Variants in LIPC observed in about 807,000 individuals in gnomAD.
LIPC encodes lipase C, hepatic type.
LIPC carries 44 observed loss-of-function variants against 50.7 expected under a neutral mutation model. The ratio of observed to expected loss-of-function variants is 0.87; its 90% CI spans 0.68 to 1.11. LIPC has a LOEUF of 1.11. LIPC is among the 50% of genes most tolerant of loss of function. The pLI, the probability that LIPC is intolerant of heterozygous loss-of-function variation, is 0.00. For synonymous variants in LIPC, 271 were observed against 256.4 expected (o/e 1.06, Z -0.54); for missense variants, 697 against 648.2 (o/e 1.08, Z -0.82).
chr15:58,444,121 C>T (rs554428128), intron 1 of LIPC, among the ~76,000 whole-genome samples: 2 of 152,266 alleles, frequency 1.3e-5, no homozygotes, highest in East Asian at 1.9e-4. Context: ...TTCCTGCCTG[C>T]GACACAGGTC....
intron 1 of LIPC, among the ~76,000 whole-genome samples, chr15:58,482,826 G>A (rs1196640012): frequency 1.3e-5 from 2 of 152,274 alleles, no homozygotes; most frequent in East Asian, 3.9e-4. Context: ...TTTTGAAAGG[G>A]CCCAGGTTTA....
At chr15:58,542,107 GGACT>G in intron 3 of LIPC, 140 bp downstream of exon 3, 1 of 1,038,296 alleles carries the variant, frequency 9.6e-7, no homozygotes, top group South Asian at 1.4e-5. Flanking sequence ...AGAAGGCACA[GGACT>G]GACACCAGAC....
intron 1 of LIPC, among the ~76,000 whole-genome samples, chr15:58,527,143 T>C (rs1222381468): frequency 1.3e-5 from 2 of 152,226 alleles, no homozygotes; most frequent in African/African-American, 2.4e-5. Flanking sequence ...ATAGTGCACA[T>C]GCCCAGAAAA....
chr15:58,520,191 T>G (rs558458426), intron 1 of LIPC, among the ~76,000 whole-genome samples: 1 of 150,432 alleles, frequency 6.6e-6, no homozygotes, highest in Non-Finnish European at 1.5e-5. Context: ...GTGTCAGCCA[T>G]GGAAACCTTC....
Position 58,538,313 on chromosome 15 carries a change from T to C in LIPC, c.89-20T>C, listed in dbSNP as rs192721308. On this transcript the variant is annotated intron_variant, in intron 1 of 8. Transcript: ENST00000299022. ...GAAGCAGATGCCAGGCTAAGCACCG[T>C]CCCCAATCTTATATTGCAGAGCCAT... is the stretch of plus-strand genomic sequence containing the variant. The C allele has an allele frequency of 1.2e-6, 2 of 1,613,638 alleles. No homozygotes were observed. Among genetic ancestry groups the C allele is most frequent in the Non-Finnish European group, 1.7e-6 (2 of 1,179,574 alleles).
chr15:58,512,079 CTA>C (rs1595909841), intron 1 of LIPC, among the ~76,000 whole-genome samples: 1 of 151,784 alleles, frequency 6.6e-6, no homozygotes, highest in Non-Finnish European at 1.5e-5. Context: ...GTGATTTTCT[CTA>C]TGTTTTCTTT....
chr15:58,568,237 G>A (rs1174920348), intron 8 of LIPC, among the ~76,000 whole-genome samples: 1 of 152,166 alleles, frequency 6.6e-6, no homozygotes, highest in Non-Finnish European at 1.5e-5. Context: ...GCTGAGCCAG[G>A]CAGAAACCGA....
chr15:58,537,343 G>A (rs373295201), intron 1 of LIPC, among the ~76,000 whole-genome samples: 2 of 152,188 alleles, frequency 1.3e-5, no homozygotes, highest in East Asian at 3.9e-4. Context: ...GTCATAGTGA[G>A]GCTCCCCCAG....
At chr15:58,548,138 A>C (rs905658314) in intron 5 of LIPC, among the ~76,000 whole-genome samples, 192 bp from the exon 6 acceptor site, 1 of 152,020 alleles carries the variant, frequency 6.6e-6, no homozygotes, top group African/African-American at 2.4e-5. Context: ...CATGACTCAG[A>C]GGGTCTACTT....
intron 6 of LIPC, among the ~76,000 whole-genome samples, chr15:58,557,001 C>T (rs1893975844): frequency 6.6e-6 from 1 of 152,214 alleles, no homozygotes; most frequent in South Asian, 2.1e-4. Flanking sequence ...AGCCATCCCT[C>T]TATTACTGAA....
intron 1 of LIPC, among the ~76,000 whole-genome samples, chr15:58,459,276 G>A (rs1239316242): frequency 1.3e-5 from 2 of 152,152 alleles, no homozygotes; most frequent in African/African-American, 4.8e-5. Context: ...GACATAGACA[G>A]TGTCTTTTTA....
chr15:58,535,084 C>T (rs1893071059), intron 1 of LIPC, among the ~76,000 whole-genome samples: 1 of 152,230 alleles, frequency 6.6e-6, no homozygotes, highest in Non-Finnish European at 1.5e-5. Flanking sequence ...GATATGAGCT[C>T]TTAAAGAGTC....
chr15:58,503,883 A>G (rs1364097229), intron 1 of LIPC, among the ~76,000 whole-genome samples: 1 of 152,068 alleles, frequency 6.6e-6, no homozygotes, highest in Admixed American at 6.5e-5. Flanking sequence ...TGGACTTTTT[A>G]TATGTACATA....
intron 1 of LIPC, among the ~76,000 whole-genome samples, chr15:58,534,088 A>C: frequency 6.6e-6 from 1 of 152,218 alleles, no homozygotes; most frequent in East Asian, 1.9e-4. Flanking sequence ...GGGCATAGAG[A>C]TGAATGACGG....
chr15:58,477,620 G>C (rs1891043672), intron 1 of LIPC, among the ~76,000 whole-genome samples: 1 of 152,156 alleles, frequency 6.6e-6, no homozygotes, highest in Non-Finnish European at 1.5e-5. Flanking sequence ...GTAGAAGACA[G>C]CTCTCCGGTT....
At chr15:58,524,336 A>C (rs1892740902) in intron 1 of LIPC, among the ~76,000 whole-genome samples, 2 of 152,222 alleles carry the variant, frequency 1.3e-5, no homozygotes, top group Non-Finnish European at 2.9e-5. Context: ...AGTTATCTAG[A>C]CACTAGATGG....
At chr15:58,518,959 A>G (rs551587399) in intron 1 of LIPC, among the ~76,000 whole-genome samples, 96 of 152,246 alleles carry the variant, frequency 6.3e-4, no homozygotes, top group African/African-American at 2.1e-3. Context: ...AAAGAAAGAA[A>G]AAGAAAAGAA....
intron 4 of LIPC, among the ~76,000 whole-genome samples, chr15:58,543,390 T>C (rs1435964093): frequency 6.6e-6 from 1 of 152,108 alleles, no homozygotes; most frequent in Non-Finnish European, 1.5e-5. Context: ...CCTCTCCTCC[T>C]GCTGATCCCT....
intron 1 of LIPC, among the ~76,000 whole-genome samples, chr15:58,433,723 T>C (rs1893197737): frequency 6.6e-6 from 1 of 152,232 alleles, no homozygotes; most frequent in African/African-American, 2.4e-5. Flanking sequence ...TGTCCAGATT[T>C]TCCTTGAGCA....
Sources: allele counts gnomAD v4.1 joint callset (sites outside exome capture counted in the v4.1 genomes callset), GRCh38; gene constraint gnomAD v4.1.1; transcripts MANE v1.5; gene names NCBI Gene and HGNC (gene_info 2026-07-23, HGNC 2026-07-21).